Variants in SNRPN observed in about 807,000 individuals in gnomAD.
The protein encoded by SNRPN is small nuclear ribonucleoprotein-associated protein N.
In SNRPN, 7 loss-of-function variants were observed where a neutral mutation model predicts 25.2. That is an observed-to-expected ratio of 0.28 (90% confidence interval 0.16 to 0.52). The LOEUF (loss-of-function observed/expected upper bound fraction) is 0.52. Ranked by LOEUF, SNRPN falls within the 20% of genes least tolerant of loss-of-function variation. The pLI is 0.96. For synonymous variants in SNRPN, 124 were observed against 110.6 expected, an observed-to-expected ratio of 1.12 and a Z score of -0.76; for missense variants, 196 against 322.5, an observed-to-expected ratio of 0.61 and a Z score of 3.00.
At chr15:24,869,308 G>A (rs2054870293) in intron 1 of SNRPN, among the ~76,000 whole-genome samples, 1 of 152,168 alleles carries the variant, frequency 6.6e-6, no homozygotes. Flanking sequence ...CTTATGCTTA[G>A]CATATAGTTT....
intron 1 of SNRPN, among the ~76,000 whole-genome samples, chr15:24,960,759 A>T (rs1039702890): frequency 5.9e-5 from 9 of 152,296 alleles, no homozygotes; most frequent in Non-Finnish European, 8.8e-5. Flanking sequence ...AGAGTTCCTT[A>T]CATATTCTGG....
chr15:24,925,932 C>T (rs1317780669), intron 3 of SNRPN, among the ~76,000 whole-genome samples: 1 of 152,124 alleles, frequency 6.6e-6, no homozygotes, highest in Non-Finnish European at 1.5e-5. Context: ...AATGGAGTTT[C>T]ACTGTGTTAG....
intron 1 of SNRPN, among the ~76,000 whole-genome samples, chr15:24,961,200 A>G (rs2074747881): frequency 6.6e-6 from 1 of 152,236 alleles, no homozygotes; most frequent in African/African-American, 2.4e-5. Context: ...TTTAGAAATC[A>G]AATATGTGTG....
At position 24,898,584 on chromosome 15, in the gene SNRPN, T is replaced by A. The variant is rs185433781; in HGVS notation, c.-505+11995T>A. On this transcript the variant is annotated intron_variant, in intron 2 of 11. Coordinates refer to the SNRPN transcript ENST00000400097. ...TCCTGGCGACAGAGTGAGATCTGTC[T>A]AAAAAAAAAAAAAGTAGTATATATT... 1.5e-3 allele frequency among the ~76,000 whole-genome samples: 219 copies of A among 142,520 alleles called. 1 individual carries two copies. The highest frequency in any genetic ancestry group is 5.3e-3 in the African/African-American group (206 of 38,692). The allele number at this position is 142,520 out of a possible 152,430, so 93.5% of individuals were successfully genotyped here.
intron 3 of SNRPN, among the ~76,000 whole-genome samples, chr15:24,928,068 A>AAGAC (rs1465234316): frequency 6.6e-6 from 1 of 152,230 alleles, no homozygotes; most frequent in East Asian, 1.9e-4. Context: ...TGTTATCACA[A>AAGAC]AGACATAAAA....
At chr15:24,832,465 C>A (rs2050617897) in intron 2 of SNRPN, among the ~76,000 whole-genome samples, 1 of 151,956 alleles carries the variant, frequency 6.6e-6, no homozygotes, top group South Asian at 2.1e-4. Context: ...CTAATCAGCG[C>A]TCTGTAAAAT....
chr15:24,973,373 T>A (rs1263695285), intron 3 of SNRPN, among the ~76,000 whole-genome samples: 2 of 152,174 alleles, frequency 1.3e-5, no homozygotes, highest in East Asian at 3.9e-4. Flanking sequence ...TCTCCTAATG[T>A]GTCCCCATTA....
chr15:24,916,528 C>G (rs1038154538), intron 2 of SNRPN, among the ~76,000 whole-genome samples: 1 of 151,480 alleles, frequency 6.6e-6, no homozygotes, highest in Non-Finnish European at 1.5e-5. Flanking sequence ...GCACTCCAGC[C>G]CATGTGATAG....
At chr15:24,866,404 A>AT (rs1040814967) in intron 1 of SNRPN, among the ~76,000 whole-genome samples, 14 of 152,092 alleles carry the variant, frequency 9.2e-5, no homozygotes, top group African/African-American at 1.9e-4. Flanking sequence ...CTTTTTAAGC[A>AT]TTTTTTTAAA....
At chr15:24,939,140 T>A (rs1223355204) in intron 3 of SNRPN, among the ~76,000 whole-genome samples, 4 of 152,316 alleles carry the variant, frequency 2.6e-5, no homozygotes, top group East Asian at 1.9e-4. Flanking sequence ...GCATTTTTTT[T>A]AGGAAACCAC....
chr15:24,900,135 C>T (rs1168036762), intron 2 of SNRPN, among the ~76,000 whole-genome samples: 1 of 152,140 alleles, frequency 6.6e-6, no homozygotes, highest in Non-Finnish European at 1.5e-5. Flanking sequence ...AATGTTATGG[C>T]AGTCAAGATA....
chr15:24,932,691 C>T (rs900731978), intron 3 of SNRPN, among the ~76,000 whole-genome samples: 1 of 151,778 alleles, frequency 6.6e-6, no homozygotes, highest in Non-Finnish European at 1.5e-5. Context: ...CTCTTGTTGC[C>T]CAGGCTGGAG....
chr15:24,906,898 G>A (rs1437330942), intron 2 of SNRPN, among the ~76,000 whole-genome samples: 1 of 152,054 alleles, frequency 6.6e-6, no homozygotes, highest in East Asian at 1.9e-4. Context: ...CTGTCCCTTA[G>A]GAGAAGAGGG....
chr15:24,887,671 G>A (rs17179959), intron 2 of SNRPN, among the ~76,000 whole-genome samples: 59,162 of 151,948 alleles, frequency 0.39, 12,104 homozygotes, highest in Middle Eastern at 0.53. Flanking sequence ...TTAAACTATA[G>A]GTGGAATAGC....
intron 1 of SNRPN, among the ~76,000 whole-genome samples, chr15:24,858,813 T>G (rs1339061718): frequency 6.6e-6 from 1 of 152,008 alleles, no homozygotes; most frequent in African/African-American, 2.4e-5. Flanking sequence ...ATGATGAGGC[T>G]TCTCTTCAAA....
intron 1 of SNRPN, among the ~76,000 whole-genome samples, chr15:24,874,836 G>A (rs1174544814): frequency 1.3e-5 from 2 of 152,190 alleles, no homozygotes; most frequent in African/African-American, 4.8e-5. Flanking sequence ...GACAGGGTGT[G>A]TTGAAGGTGA....
At chr15:24,923,348 A>G (rs1042186601) in intron 3 of SNRPN, among the ~76,000 whole-genome samples, 11 of 152,144 alleles carry the variant, frequency 7.2e-5, no homozygotes, top group African/African-American at 2.7e-4. Context: ...TGGTAGTGGA[A>G]TTCATGGATC....
At chr15:24,838,610 T>C (rs1239629084) in intron 2 of SNRPN, among the ~76,000 whole-genome samples, 1 of 152,072 alleles carries the variant, frequency 6.6e-6, no homozygotes, top group Non-Finnish European at 1.5e-5. Flanking sequence ...AAGGATTGGA[T>C]TGAGCTGGTG....
chr15:24,975,261 C>G, intron 4 of SNRPN, 97 bp from the exon 5 acceptor site: 1 of 938,544 alleles, frequency 1.1e-6, no homozygotes, highest in Non-Finnish European at 1.6e-6. Context: ...TTAAGGAAAC[C>G]AGGCTTAGAT....
Sources: allele counts gnomAD v4.1 joint callset (sites outside exome capture counted in the v4.1 genomes callset), GRCh38; gene constraint gnomAD v4.1.1; transcripts MANE v1.5; gene names NCBI Gene and HGNC (gene_info 2026-07-23, HGNC 2026-07-21).